The following COA6 variants were observed in gnomAD, a reference collection of about 807,000 sequenced individuals.
COA6 encodes cytochrome c oxidase assembly factor 6, also known as cytochrome c oxidase assembly factor 6 homolog.
COA6 carries 12 observed loss-of-function variants against 17.1 expected under a neutral mutation model. That is an observed-to-expected ratio of 0.70 (90% confidence interval 0.45 to 1.14). COA6 has a LOEUF of 1.14. COA6 is among the 50% of genes most tolerant of loss of function. COA6 has a pLI of 0.00. For missense variants in COA6, 246 were observed against 196.5 expected (o/e 1.25, Z -1.51); for synonymous variants, 90 against 73.4 (o/e 1.23, Z -1.16).
chr1:234,381,319 G>A (rs1658965270), intron 2 of COA6, among the ~76,000 whole-genome samples: 1 of 152,166 alleles, frequency 6.6e-6, no homozygotes. Context: ...TGTGTTGAGG[G>A]TTTAGGCTGT....
intron 2 of COA6, among the ~76,000 whole-genome samples, chr1:234,376,188 G>A (rs1658785922): frequency 2.0e-5 from 3 of 152,060 alleles, no homozygotes; most frequent in African/African-American, 7.3e-5. Flanking sequence ...GTTCCCCTTC[G>A]ATCCCACTTT....
Position 234,374,210 on chromosome 1 carries a change from A to G in COA6, c.213-20A>G. The G allele has an allele frequency of 1.3e-6, 2 of 1,599,916 alleles. No individual in the cohort carries two copies. Among genetic ancestry groups the G allele is most frequent in the East Asian group, 4.5e-5 (2 of 44,662 alleles). On this transcript the variant is annotated intron_variant, in intron 1 of 2. Transcript: ENST00000366615. ...ATTACAAAGTTCATTGTTAATCTCA[A>G]ATATTATTTTGGCCAACAGCTTCAT...
At chr1:234,383,638 A>G (rs1476731244) in intron 2 of COA6, 85 bp from the exon 3 acceptor site, 1 of 639,522 alleles carries the variant, frequency 1.6e-6, no homozygotes, top group African/African-American at 1.8e-5. Flanking sequence ...TTTATGTTGA[A>G]TAATATGTTA....
Position 234,384,031 on chromosome 1 carries a change from C to G in COA6, c.*213C>G, listed in dbSNP as rs1028478846. 7.2e-6 allele frequency: 3 copies of G among 416,954 alleles called. No homozygotes were observed. Among genetic ancestry groups the G allele is most frequent in the Non-Finnish European group, 1.3e-5 (3 of 228,984 alleles). 25.8% of individuals were successfully genotyped at this position (416,954 alleles called of 1,614,324 possible). On this transcript the variant is annotated 3_prime_UTR_variant, in exon 3 of 3. Transcript: ENST00000366615. ...CTCTATTTTAAGAAAAAAAGTAAAACCTGTTATAAACACATGCACTTTTGT... is the reference window on the plus strand; with the variant it reads ...CTCTATTTTAAGAAAAAAAGTAAAAGCTGTTATAAACACATGCACTTTTGT...
rs1659079243 is a variant in COA6 at position 234,384,744 on chromosome 1, A to G, written c.*926A>G. Among the ~76,000 whole-genome samples, 1 of 152,168 alleles carries G rather than the reference A, an allele frequency of 6.6e-6. No individual in the cohort carries two copies. Among genetic ancestry groups the G allele is most frequent in the Non-Finnish European group, 1.5e-5 (1 of 68,026 alleles). On this transcript the variant is annotated 3_prime_UTR_variant, in exon 3 of 3. Transcript: ENST00000366615. ...CCATGGATTCAACCCCGAAGAGAAA[A>G]TTTTTGGGAAAAGGAAAAACGAGTA...
intron 2 of COA6, among the ~76,000 whole-genome samples, chr1:234,374,731 G>A (rs1032629098): frequency 6.6e-6 from 1 of 152,150 alleles, no homozygotes; most frequent in Non-Finnish European, 1.5e-5. Context: ...TTGACCTAGA[G>A]CTACTATCAG....
At chr1:234,378,380 T>G in intron 2 of COA6, among the ~76,000 whole-genome samples, 1 of 152,054 alleles carries the variant, frequency 6.6e-6, no homozygotes, top group South Asian at 2.1e-4. Context: ...GAGAGACAAG[T>G]AGTAGAATTA....
intron 2 of COA6, among the ~76,000 whole-genome samples, chr1:234,383,169 G>T (rs1371876470): frequency 1.3e-5 from 2 of 152,050 alleles, no homozygotes; most frequent in Non-Finnish European, 2.9e-5. Flanking sequence ...CTCTGAACTC[G>T]CCAGCAAGCC....
chr1:234,374,676 T>C (rs1363054604), intron 2 of COA6, among the ~76,000 whole-genome samples: 1 of 152,186 alleles, frequency 6.6e-6, no homozygotes, highest in African/African-American at 2.4e-5. Flanking sequence ...TCCAGGATCT[T>C]CTGAAGGGGT....
chr1:234,377,776 C>T (rs1416972796), intron 2 of COA6, among the ~76,000 whole-genome samples: 1 of 152,224 alleles, frequency 6.6e-6, no homozygotes. Flanking sequence ...CTGTTAGCCA[C>T]TGCCCAGCAC....
chr1:234,380,154 T>C (rs905642224), intron 2 of COA6, among the ~76,000 whole-genome samples: 1 of 152,234 alleles, frequency 6.6e-6, no homozygotes, highest in Non-Finnish European at 1.5e-5. Context: ...TATCGGTTCT[T>C]TGCTCCCTGT....
In COA6 at chr1:234,374,512, A is replaced by G. The variant is rs1478069139; in HGVS notation, c.372+123A>G. 3 of 999,732 alleles carry G rather than the reference A, an allele frequency of 3.0e-6. No individual in the cohort carries two copies. In the African/African-American group the frequency reaches 4.9e-5, roughly 16 times the overall value. 61.9% of individuals were successfully genotyped at this position (999,732 alleles called of 1,614,324 possible). ...AATTAACAGTTTCTTTGAGGCGCAG[A>G]GAAAACCTTGCCTGGTAATTCAGCC... On this transcript the variant is annotated intron_variant, in intron 2 of 2. Coordinates refer to ENST00000366615, the MANE Select transcript of COA6 (RefSeq NM_001206641.3).
intron 2 of COA6, among the ~76,000 whole-genome samples, chr1:234,377,509 T>C (rs1404264563): frequency 6.6e-6 from 1 of 152,120 alleles, no homozygotes; most frequent in African/African-American, 2.4e-5. Context: ...TCTCCTCCCA[T>C]GCTTCCAGCT....
rs770966168 is a variant in COA6 at position 234,374,322 on chromosome 1, A to T, written c.305A>T (p.Asn102Ile). ...GAGTACTGGAAGTGTTTAGATGAGA[A>T]CTTAGAGGATGCTTCTCAATGCAAG... ...RDEYWKCLDE[N>I]LEDASQCKKL... The change falls in exon 2 of 3, where the codon AAC becomes ATC. Residue 102 changes from asparagine (N) to isoleucine (I), a missense_variant. By Grantham distance (149) the Asn-to-Ile change is moderately radical. Coordinates refer to ENST00000366615, the MANE Select transcript of COA6 (RefSeq NM_001206641.3). 7.4e-6 allele frequency: 12 copies of T among 1,614,056 alleles called. No individual in the cohort carries two copies. The highest frequency in any genetic ancestry group is 1.0e-5 in the Non-Finnish European group (12 of 1,180,022).
At chr1:234,382,095 AAAAG>A (rs1186157223) in intron 2 of COA6, among the ~76,000 whole-genome samples, 6 of 152,206 alleles carry the variant, frequency 3.9e-5, no homozygotes, top group African/African-American at 1.4e-4. Context: ...CCAACAAAGA[AAAAG>A]AGAGTTATTA....
intron 2 of COA6, among the ~76,000 whole-genome samples, chr1:234,375,967 T>G (rs952929550): frequency 6.6e-6 from 1 of 152,202 alleles, no homozygotes; most frequent in Non-Finnish European, 1.5e-5. Flanking sequence ...AGGCATTGCT[T>G]TAGATGAACT....
At position 234,373,674 on chromosome 1, in the gene COA6, G is replaced by A; in HGVS notation, c.208G>A (p.Glu70Lys). The A allele has an allele frequency of 6.2e-7, 1 of 1,612,946 alleles. No homozygotes were observed. Among genetic ancestry groups the A allele is most frequent in the Non-Finnish European group, 8.5e-7 (1 of 1,179,164 alleles). ...HRKEAGRGRAESFIAVGMAAP... is the reference protein window; with the variant it reads ...HRKEAGRGRAKSFIAVGMAAP... ...AAAGGAAGCCGGACGTGGGCGGGCA[G>A]AGAGGTCGGCTTGCTGATGGGTCCG... The change falls in exon 1 of 3, where the codon GAG becomes AAG. Residue 70 changes from glutamate (E) to lysine (K), a missense_variant. Transcript: ENST00000366615.
Position 234,374,288 on chromosome 1 carries a change from G to A in COA6, c.271G>A (p.Ala91Thr), listed in dbSNP as rs779445784. 6.2e-7 allele frequency: 1 copy of A among 1,613,990 alleles called. No individual in the cohort carries two copies. Among genetic ancestry groups the A allele is most frequent in the Admixed American group, 1.7e-5 (1 of 60,012 alleles). ...SMKERQVCWG[A>T]RDEYWKCLDE... ...GAAGGAAAGACAGGTCTGCTGGGGG[G>A]CCCGGGATGAGTACTGGAAGTGTTT... The change falls in exon 2 of 3, where the codon GCC (alanine) becomes ACC (threonine). Residue 91 changes from alanine (A) to threonine (T), a missense_variant. Physicochemically the swap from Ala to Thr is moderately conservative, Grantham distance 58. Transcript: ENST00000366615.
At chr1:234,378,536 C>T (rs1658874333) in intron 2 of COA6, among the ~76,000 whole-genome samples, 1 of 152,148 alleles carries the variant, frequency 6.6e-6, no homozygotes, top group Admixed American at 6.5e-5. Context: ...AGGCAGATAC[C>T]TGGTGAAGAC....
Sources: gnomAD v4.1 joint callset for allele counts (sites outside exome capture counted in the v4.1 genomes callset) on GRCh38, gnomAD v4.1.1 for gene constraint, MANE v1.5 for transcripts, NCBI Gene and HGNC (gene_info 2026-07-23, HGNC 2026-07-21) for gene names.